Variants in FAM53B observed in about 807,000 individuals in gnomAD.
FAM53B encodes the protein protein FAM53B.
In FAM53B, 12 loss-of-function variants were observed where a neutral mutation model predicts 32.7. The ratio of observed to expected loss-of-function variants is 0.37; its 90% CI spans 0.24 to 0.59. The LOEUF (loss-of-function observed/expected upper bound fraction) is 0.59, where lower values mean the gene tolerates loss of function less well. Ranked by LOEUF, FAM53B falls within the 20% of genes least tolerant of loss-of-function variation. The pLI, the probability that FAM53B is intolerant of heterozygous loss-of-function variation, is 0.72. For missense variants in FAM53B, 477 were observed against 577.7 expected (o/e 0.83, Z 1.79); for synonymous variants, 234 against 228.7 (o/e 1.02, Z -0.21).
intron 1 of FAM53B, among the ~76,000 whole-genome samples, chr10:124,719,242 G>A (rs1433521814): frequency 1.3e-5 from 2 of 152,010 alleles, no homozygotes; most frequent in East Asian, 1.9e-4. Flanking sequence ...ATGGGGGTGG[G>A]GGAACAGGAG....
chr10:124,743,242 G>A (rs189919564), intron 1 of FAM53B, among the ~76,000 whole-genome samples: 1 of 152,292 alleles, frequency 6.6e-6, no homozygotes, highest in Non-Finnish European at 1.5e-5. Flanking sequence ...TTTCGTCTCT[G>A]CCCCAAGAGA....
intron 1 of FAM53B, among the ~76,000 whole-genome samples, chr10:124,724,293 C>T (rs1347702490): frequency 1.3e-5 from 2 of 152,260 alleles, no homozygotes; most frequent in Non-Finnish European, 2.9e-5. Context: ...GGGGACGGGG[C>T]TGGGAGTGGA....
At chr10:124,718,392 T>G (rs919763991) in intron 1 of FAM53B, among the ~76,000 whole-genome samples, 1 of 152,178 alleles carries the variant, frequency 6.6e-6, no homozygotes, top group Non-Finnish European at 1.5e-5. Context: ...ATGGTAAGCC[T>G]TCCGCCTTCT....
At chr10:124,626,844 C>T (rs1453602106) in intron 4 of FAM53B, among the ~76,000 whole-genome samples, 2 of 152,220 alleles carry the variant, frequency 1.3e-5, no homozygotes, top group South Asian at 2.1e-4. Context: ...ATGGGCATCA[C>T]GGCGCCAGGC....
At chr10:124,683,100 A>G (rs764642823) in intron 3 of FAM53B, among the ~76,000 whole-genome samples, 6 of 152,258 alleles carry the variant, frequency 3.9e-5, no homozygotes, top group Admixed American at 1.3e-4. Context: ...CTTGGGCTTC[A>G]CAGACTTAAG....
chr10:124,625,374 C>T (rs958205114), intron 4 of FAM53B, among the ~76,000 whole-genome samples: 4 of 152,142 alleles, frequency 2.6e-5, no homozygotes, highest in African/African-American at 2.4e-5. Flanking sequence ...GTGGCAGGGG[C>T]ACCCATTAGA....
In FAM53B at chr10:124,733,250, T is replaced by A. The variant is rs896788837; in HGVS notation, c.-175+10763A>T. On this transcript the variant is annotated intron_variant, in intron 1 of 4. Transcript: ENST00000337318. The surrounding 1 kb of genome is among the most constrained non-coding windows in gnomAD (Gnocchi z 4.3). ...CCTCCACCTCTGCACAGGTTCAGTA[T>A]TTTTCTTAATTCTCCTCTTCTGGGC... Among the ~76,000 whole-genome samples the A allele has an allele frequency of 1.3e-5, 2 of 152,196 alleles. No individual in the cohort carries two copies. Among genetic ancestry groups the A allele is most frequent in the African/African-American group, 4.8e-5 (2 of 41,456 alleles).
intron 1 of FAM53B, among the ~76,000 whole-genome samples, chr10:124,732,207 G>C (rs1950148132): frequency 6.6e-6 from 1 of 152,194 alleles, no homozygotes; most frequent in Admixed American, 6.5e-5. Flanking sequence ...GCTCTCGCCT[G>C]TGCCTACACT....
chr10:124,678,266 C>T (rs1949748689), intron 4 of FAM53B, among the ~76,000 whole-genome samples: 1 of 152,192 alleles, frequency 6.6e-6, no homozygotes, highest in Non-Finnish European at 1.5e-5. Context: ...CTGTCAGCAC[C>T]CGGCCTGTGC....
chr10:124,627,312 G>A (rs896528402), intron 4 of FAM53B, among the ~76,000 whole-genome samples: 28 of 152,158 alleles, frequency 1.8e-4, no homozygotes, highest in Non-Finnish European at 2.4e-4. Context: ...GCAAGGTCCC[G>A]CCCCAGAGTC....
At chr10:124,714,113 A>C (rs1325975410) in intron 1 of FAM53B, 1 of 152,192 alleles carries the variant, frequency 6.6e-6, no homozygotes. Flanking sequence ...TTCCGAGGGG[A>C]GCCGAATGCT....
chr10:124,732,332 A>C (rs1950148806), intron 1 of FAM53B, among the ~76,000 whole-genome samples: 2 of 152,170 alleles, frequency 1.3e-5, no homozygotes, highest in African/African-American at 4.8e-5. Context: ...TCCACCCAGA[A>C]ACCGGGCAGG....
intron 2 of FAM53B, among the ~76,000 whole-genome samples, chr10:124,700,841 C>G (rs1949910643): frequency 6.6e-6 from 1 of 152,214 alleles, no homozygotes; most frequent in African/African-American, 2.4e-5. Flanking sequence ...CACAGAGCAA[C>G]AGGGGGAGGC....
intron 4 of FAM53B, among the ~76,000 whole-genome samples, chr10:124,639,051 C>T (rs1233157432): frequency 6.6e-6 from 1 of 152,200 alleles, no homozygotes; most frequent in African/African-American, 2.4e-5. Context: ...TGTGGGGAGA[C>T]TCACCCCAGA....
In FAM53B at chr10:124,733,322, C is replaced by T. The variant is rs1377436053; in HGVS notation, c.-175+10691G>A. 2.0e-5 allele frequency among the ~76,000 whole-genome samples: 3 copies of T among 152,188 alleles called. No homozygotes were observed. The highest frequency in any genetic ancestry group is 1.9e-4 in the East Asian group (1 of 5,190). ...CAACGGGGCCTGGAATCTGGGCTGG[C>T]ATCTGAGGGCGGTGGAGGCCTCAGG... On this transcript the variant is annotated intron_variant, in intron 1 of 4. Coordinates refer to ENST00000337318, the MANE Select transcript of FAM53B (RefSeq NM_014661.4). This position sits in a 1 kb window ranked among gnomAD's most constrained non-coding sequence, Gnocchi z 4.3.
intron 4 of FAM53B, among the ~76,000 whole-genome samples, chr10:124,646,053 A>G (rs1470905811): frequency 6.6e-6 from 1 of 152,188 alleles, no homozygotes; most frequent in Non-Finnish European, 1.5e-5. Context: ...AGGGAGGTCA[A>G]GGCCTTTTAC....
At chr10:124,698,492 T>G (rs551131448) in intron 2 of FAM53B, among the ~76,000 whole-genome samples, 104 of 152,238 alleles carry the variant, frequency 6.8e-4, no homozygotes, top group African/African-American at 2.5e-3. Context: ...CAAGGAACAC[T>G]GCCAGAGATG....
chr10:124,662,233 A>G (rs1264355842), intron 4 of FAM53B, among the ~76,000 whole-genome samples: 1 of 152,006 alleles, frequency 6.6e-6, no homozygotes, highest in Non-Finnish European at 1.5e-5. Context: ...GCACAACAAT[A>G]CCCACTTTCC....
intron 4 of FAM53B, among the ~76,000 whole-genome samples, chr10:124,636,568 A>G (rs774487725): frequency 6.6e-6 from 1 of 152,068 alleles, no homozygotes; most frequent in African/African-American, 2.4e-5. Flanking sequence ...TGCTGTACAG[A>G]GGTTCAGGTG....
Sources: allele counts gnomAD v4.1 joint callset (sites outside exome capture counted in the v4.1 genomes callset), GRCh38; gene constraint gnomAD v4.1.1; non-coding constraint Gnocchi (gnomAD v3.1); transcripts MANE v1.5; gene names NCBI Gene and HGNC (gene_info 2026-07-23, HGNC 2026-07-21).